Variants in WFDC1 observed in about 807,000 individuals in gnomAD.
WFDC1 encodes WAP four-disulfide core domain 1.
WFDC1 carries 39 observed loss-of-function variants against 32.9 expected under a neutral mutation model. The ratio of observed to expected loss-of-function variants is 1.19; its 90% CI spans 0.92 to 1.55. The LOEUF is 1.55. Among genes scored for constraint, WFDC1 ranks in the 40% most tolerant of loss-of-function variants. The pLI is 0.00. For missense variants in WFDC1, 386 were observed against 309.5 expected (o/e 1.25, Z -1.85); for synonymous variants, 184 against 137.4 (o/e 1.34, Z -2.37).
intron 1 of WFDC1, among the ~76,000 whole-genome samples, chr16:84,304,779 A>G (rs1017929453): frequency 1.1e-4 from 16 of 152,300 alleles, no homozygotes; most frequent in African/African-American, 3.4e-4. Context: ...AGGCAACATA[A>G]GCTGGGAGGG....
chr16:84,328,516 C>T (rs1296459969), intron 6 of WFDC1: 1 of 152,228 alleles, frequency 6.6e-6, no homozygotes, highest in East Asian at 1.9e-4. Flanking sequence ...GCCAGCACGT[C>T]TGTTACCTGC....
chr16:84,322,123 G>C (rs952761577), intron 4 of WFDC1, among the ~76,000 whole-genome samples: 9 of 150,076 alleles, frequency 6.0e-5, no homozygotes, highest in Admixed American at 2.0e-4. Flanking sequence ...GGAATTCCAA[G>C]ACTGTCCACC....
intron 1 of WFDC1, among the ~76,000 whole-genome samples, chr16:84,311,409 T>TTTTTTTTC (rs1567656818): frequency 1.5e-5 from 2 of 137,080 alleles, no homozygotes. Context: ...TTTGTATTTT[T>TTTTTTTTC]AGTAGAGACG....
intron 2 of WFDC1, among the ~76,000 whole-genome samples, chr16:84,314,559 T>G (rs1355701668): frequency 6.6e-6 from 1 of 152,130 alleles, no homozygotes; most frequent in African/African-American, 2.4e-5. Flanking sequence ...GACCTCACTT[T>G]GTTTTCTTTG....
chr16:84,326,588 T>C (rs368963942), intron 5 of WFDC1: 4 of 370,342 alleles, frequency 1.1e-5, no homozygotes, highest in East Asian at 4.5e-5. Flanking sequence ...CAGAATGGCA[T>C]GTGTGAAGCT....
Position 84,319,414 on chromosome 16 carries a change from G to T in WFDC1, c.422-17G>T, listed in dbSNP as rs755934672. Reference sequence around the variant, plus strand: ...GGGAGTCGGCCTTCTAGACCCCAGCGTGTGTCCCTCCTGCAGCAGAGGCGT... The same window carrying T: ...GGGAGTCGGCCTTCTAGACCCCAGCTTGTGTCCCTCCTGCAGCAGAGGCGT... On this transcript the variant is annotated splice_polypyrimidine_tract_variant and intron_variant, in intron 3 of 6. Transcript: ENST00000219454. The T allele has an allele frequency of 6.2e-7, 1 of 1,607,118 alleles. No individual in the cohort carries two copies. Among genetic ancestry groups the T allele is most frequent in the South Asian group, 1.1e-5 (1 of 91,036 alleles).
intron 3 of WFDC1, chr16:84,318,782 G>A (rs1231815223): frequency 4.5e-6 from 1 of 223,324 alleles, no homozygotes; most frequent in Admixed American, 4.9e-5. Flanking sequence ...GGTGCGAGCG[G>A]GCACCCTTGC....
intron 2 of WFDC1, among the ~76,000 whole-genome samples, chr16:84,314,899 C>T (rs567664418): frequency 6.6e-6 from 1 of 152,254 alleles, no homozygotes; most frequent in Non-Finnish European, 1.5e-5. Flanking sequence ...ACAGATGATA[C>T]AACTGTACAT....
chr16:84,304,305 T>C (rs1907117201), intron 1 of WFDC1, among the ~76,000 whole-genome samples: 1 of 150,948 alleles, frequency 6.6e-6, no homozygotes, highest in Admixed American at 6.6e-5. Context: ...TCTGGCTCAC[T>C]GCAACTTCTG....
intron 2 of WFDC1, chr16:84,317,389 AAC>A (rs1389118698): frequency 2.0e-5 from 3 of 152,120 alleles, no homozygotes; most frequent in Admixed American, 1.3e-4. Flanking sequence ...AAAAAAATAA[AAC>A]AGTCTGGGAG....
chr16:84,299,387 A>G (rs991643005), intron 1 of WFDC1, among the ~76,000 whole-genome samples: 30 of 139,514 alleles, frequency 2.2e-4, no homozygotes, highest in African/African-American at 8.2e-4. Context: ...AACAAAAAGC[A>G]AAAAAAAAAA....
At chr16:84,304,202 G>T (rs1907111156) in intron 1 of WFDC1, among the ~76,000 whole-genome samples, 1 of 152,162 alleles carries the variant, frequency 6.6e-6, no homozygotes, top group South Asian at 2.1e-4. Context: ...ATCAGTGGCA[G>T]AATGGCTTTG....
rs200063291 is a variant in WFDC1, at chr16:84,319,588, A to T, written c.562+17A>T. The T allele has an allele frequency of 4.0e-4, 643 of 1,610,008 alleles. 2 individuals are homozygous for T. The African/African-American group carries it at 7.3e-3, about 18-fold the overall frequency. ...GGCAAGCAGGTGAGTGTGGCACCCC[A>T]GCCCTGATCCTGGCTCCTGCCCCAG... On this transcript the variant is annotated intron_variant, in intron 4 of 6. Coordinates refer to ENST00000219454, the MANE Select transcript of WFDC1 (RefSeq NM_021197.4).
chr16:84,301,046 G>A (rs1906903094), intron 1 of WFDC1, among the ~76,000 whole-genome samples: 1 of 152,132 alleles, frequency 6.6e-6, no homozygotes, highest in Non-Finnish European at 1.5e-5. Context: ...CAAAGACAGA[G>A]GGTTGCAGAG....
intron 1 of WFDC1, among the ~76,000 whole-genome samples, chr16:84,309,469 C>T (rs1487581843): frequency 6.6e-6 from 1 of 151,858 alleles, no homozygotes; most frequent in Admixed American, 6.6e-5. Flanking sequence ...AGGGACGAGG[C>T]CACTGTGGAG....
chr16:84,306,924 A>T (rs550770814), intron 1 of WFDC1, among the ~76,000 whole-genome samples: 64 of 152,326 alleles, frequency 4.2e-4, no homozygotes, highest in African/African-American at 1.5e-3. Context: ...CAAACAAATG[A>T]GTTCATAATA....
intron 1 of WFDC1, among the ~76,000 whole-genome samples, chr16:84,303,722 G>T (rs956309996): frequency 6.6e-6 from 1 of 152,166 alleles, no homozygotes; most frequent in Non-Finnish European, 1.5e-5. Flanking sequence ...ACAATTCAGT[G>T]GTGTTTAGTA....
intron 2 of WFDC1, 36 bp from the exon 3 acceptor site, chr16:84,318,236 T>G (rs1239938005): frequency 1.2e-6 from 2 of 1,609,892 alleles, no homozygotes; most frequent in East Asian, 4.5e-5. Context: ...CTCAGCTGCT[T>G]GAGGAGGGCC....
chr16:84,308,300 C>T (rs1441372909), intron 1 of WFDC1, among the ~76,000 whole-genome samples: 1 of 152,158 alleles, frequency 6.6e-6, no homozygotes, highest in Non-Finnish European at 1.5e-5. Context: ...GACCTGTTCC[C>T]AGGGACCTGG....
Sources: gnomAD v4.1 joint callset for allele counts (sites outside exome capture counted in the v4.1 genomes callset) on GRCh38, gnomAD v4.1.1 for gene constraint, MANE v1.5 for transcripts, NCBI Gene and HGNC (gene_info 2026-07-23, HGNC 2026-07-21) for gene names.